Variants in WWOX observed in about 807,000 individuals in gnomAD.
WWOX encodes WW domain containing oxidoreductase.
WWOX carries 69 observed loss-of-function variants against 46.2 expected under a neutral mutation model. The observed-to-expected ratio is 1.49, with a 90% CI of 1.23 to 1.82. The LOEUF (loss-of-function observed/expected upper bound fraction) is 1.82. Ranked by LOEUF, WWOX falls within the 40% of genes most tolerant of loss-of-function variation. The probability of loss-of-function intolerance (pLI) is 0.00; values close to 1 mark genes in which losing one functional copy is unlikely to be tolerated. For synonymous variants in WWOX, 359 were observed against 202.6 expected (o/e 1.77, Z -6.56); for missense variants, 919 against 542.6 (o/e 1.69, Z -6.89).
At chr16:79,093,097 C>A (rs1393502643) in intron 8 of WWOX, among the ~76,000 whole-genome samples, 1 of 152,188 alleles carries the variant, frequency 6.6e-6, no homozygotes, top group Non-Finnish European at 1.5e-5. Flanking sequence ...GGTTACGTAA[C>A]TGTGGTACAG....
chr16:78,564,782 T>A (rs908957134), intron 8 of WWOX, among the ~76,000 whole-genome samples: 9 of 152,342 alleles, frequency 5.9e-5, no homozygotes, highest in African/African-American at 2.2e-4. Flanking sequence ...TGTTTAAAAA[T>A]TTTAACTTAA....
chr16:78,486,707 G>C (rs960518568), intron 8 of WWOX, among the ~76,000 whole-genome samples: 19 of 152,314 alleles, frequency 1.2e-4, no homozygotes, highest in Admixed American at 6.5e-4. Flanking sequence ...CCGCGTAGCT[G>C]GGATTACAGG....
chr16:79,051,523 C>G (rs747766601), intron 8 of WWOX, among the ~76,000 whole-genome samples: 1 of 139,274 alleles, frequency 7.2e-6, no homozygotes, highest in Non-Finnish European at 1.6e-5. Context: ...AGTCACATGA[C>G]CATGGCTGCC....
At chr16:79,093,267 T>C (rs562830231) in intron 8 of WWOX, among the ~76,000 whole-genome samples, 1 of 152,176 alleles carries the variant, frequency 6.6e-6, no homozygotes, top group Non-Finnish European at 1.5e-5. Context: ...AGGCGAAAGA[T>C]ACACAGAAAC....
At chr16:78,884,647 A>C (rs778326776) in intron 8 of WWOX, among the ~76,000 whole-genome samples, 1 of 152,210 alleles carries the variant, frequency 6.6e-6, no homozygotes, top group South Asian at 2.1e-4. Flanking sequence ...AAAGCAAACT[A>C]TTCCTATTAG....
chr16:78,238,179 C>T (rs2037505837), intron 5 of WWOX: 1 of 151,636 alleles, frequency 6.6e-6, no homozygotes, highest in African/African-American at 2.4e-5. Flanking sequence ...ATTCCAAAAC[C>T]CAAAGAGATC....
intron 4 of WWOX, among the ~76,000 whole-genome samples, chr16:78,160,122 G>A (rs1021695020): frequency 1.3e-5 from 2 of 151,214 alleles, no homozygotes; most frequent in Non-Finnish European, 2.9e-5. Flanking sequence ...TAATTTGCTG[G>A]GTTATTTTCC....
intron 8 of WWOX, chr16:79,106,820 T>TG (rs1488207035): frequency 6.8e-6 from 1 of 147,002 alleles, no homozygotes; most frequent in African/African-American, 2.5e-5. Flanking sequence ...TTTTTTTTTT[T>TG]TTTTTGAGAT....
chr16:78,274,709 C>G (rs1460778015), intron 5 of WWOX, among the ~76,000 whole-genome samples: 2 of 152,174 alleles, frequency 1.3e-5, no homozygotes, highest in East Asian at 3.9e-4. Context: ...TGGACATGTT[C>G]AATGCTGCTT....
chr16:78,910,346 C>T (rs2151254524), intron 8 of WWOX, among the ~76,000 whole-genome samples: 1 of 151,346 alleles, frequency 6.6e-6, no homozygotes, highest in Middle Eastern at 3.4e-3. Context: ...TAACAAGGGC[C>T]CTGACAGCCT....
chr16:78,358,548 C>A (rs1436796717), intron 5 of WWOX, among the ~76,000 whole-genome samples: 1 of 152,124 alleles, frequency 6.6e-6, no homozygotes, highest in East Asian at 1.9e-4. Context: ...ATCCCAGCTA[C>A]TCAGGAAGCT....
At chr16:79,170,472 A>G (rs2050679077) in intron 8 of WWOX, among the ~76,000 whole-genome samples, 1 of 152,244 alleles carries the variant, frequency 6.6e-6, no homozygotes, top group Non-Finnish European at 1.5e-5. Flanking sequence ...TTATCTTTGG[A>G]TTAAAAATGG....
intron 8 of WWOX, among the ~76,000 whole-genome samples, chr16:78,726,106 TCC>T (rs1567518018): frequency 3.5e-4 from 31 of 88,242 alleles, no homozygotes; most frequent in African/African-American, 4.9e-4. Context: ...CCTCCCTCCC[TCC>T]CTCTCTGCCT....
chr16:78,169,172 A>G (rs2035067678), intron 5 of WWOX, among the ~76,000 whole-genome samples: 1 of 152,200 alleles, frequency 6.6e-6, no homozygotes, highest in Non-Finnish European at 1.5e-5. Flanking sequence ...TGGTGCCCTC[A>G]CCTCTTAAGA....
intron 8 of WWOX, among the ~76,000 whole-genome samples, chr16:78,573,228 G>C (rs575804357): frequency 6.6e-6 from 1 of 152,334 alleles, no homozygotes; most frequent in Non-Finnish European, 1.5e-5. Context: ...AGAGCTTGCA[G>C]TGAGCCGAGA....
chr16:79,046,799 C>T (rs2048073860), intron 8 of WWOX, among the ~76,000 whole-genome samples: 3 of 152,124 alleles, frequency 2.0e-5, no homozygotes, highest in Non-Finnish European at 2.9e-5. Flanking sequence ...TCTCTTTGTC[C>T]CCCAGGCCTG....
At chr16:78,562,122 A>T (rs959951557) in intron 8 of WWOX, among the ~76,000 whole-genome samples, 1 of 152,152 alleles carries the variant, frequency 6.6e-6, no homozygotes, top group Non-Finnish European at 1.5e-5. Flanking sequence ...TATCCAAACA[A>T]ATTGGATGCT....
chr16:78,784,530 C>T lies in WWOX; in HGVS notation c.1056+351778C>T, dbSNP rs189073539. 3.3e-5 allele frequency among the ~76,000 whole-genome samples: 5 copies of T among 151,846 alleles called. No homozygotes were observed. In the East Asian group the frequency reaches 5.8e-4, roughly 18 times the overall value. ...TGTGACTTTGAACAAATTATTTTATCTCTCTGAGCTCAGTCTCCTCATCTA... is the reference window on the plus strand; with the variant it reads ...TGTGACTTTGAACAAATTATTTTATTTCTCTGAGCTCAGTCTCCTCATCTA... On this transcript the variant is annotated intron_variant, in intron 8 of 8. Transcript: ENST00000566780.
At chr16:78,447,484 G>C (rs1198480344) in intron 8 of WWOX, among the ~76,000 whole-genome samples, 1 of 152,166 alleles carries the variant, frequency 6.6e-6, no homozygotes, top group Non-Finnish European at 1.5e-5. Flanking sequence ...CAAGTGACAG[G>C]GATGGAATTG....
Sources: allele counts gnomAD v4.1 joint callset (sites outside exome capture counted in the v4.1 genomes callset), GRCh38; gene constraint gnomAD v4.1.1; transcripts MANE v1.5; gene names NCBI Gene and HGNC (gene_info 2026-07-23, HGNC 2026-07-21).